Variants in PLEKHA6 observed in about 807,000 individuals in gnomAD.
PLEKHA6 encodes the protein pleckstrin homology domain containing A6.
Under a neutral mutation model 116.7 loss-of-function variants are expected in PLEKHA6, and 60 were observed. The observed-to-expected ratio is 0.51, with a 90% CI of 0.42 to 0.64. The LOEUF (loss-of-function observed/expected upper bound fraction) is 0.64. Ranked by LOEUF, PLEKHA6 falls within the 30% of genes least tolerant of loss-of-function variation. The pLI, the probability that PLEKHA6 is intolerant of heterozygous loss-of-function variation, is 0.00. For missense variants in PLEKHA6, 1,338 were observed against 1,422.7 expected (o/e 0.94, Z 0.96); for synonymous variants, 489 against 556.1 (o/e 0.88, Z 1.70).
At chr1:204,295,895 G>A (rs1274669410) in intron 1 of PLEKHA6, among the ~76,000 whole-genome samples, 1 of 152,316 alleles carries the variant, frequency 6.6e-6, no homozygotes, top group South Asian at 2.1e-4. Context: ...GCCAGAGCCA[G>A]AGCAGGGCAA....
chr1:204,332,911 A>G (rs1051026524), intron 1 of PLEKHA6, among the ~76,000 whole-genome samples: 3 of 152,348 alleles, frequency 2.0e-5, no homozygotes, highest in Admixed American at 1.3e-4. Context: ...GAGAGTGTGC[A>G]TAGAAGGAAA....
At chr1:204,344,164 C>A (rs1558192895) in intron 1 of PLEKHA6, among the ~76,000 whole-genome samples, 2 of 152,126 alleles carry the variant, frequency 1.3e-5, no homozygotes, top group South Asian at 2.1e-4. Context: ...GCAATTTGAG[C>A]CAAGGGAAGA....
At chr1:204,275,779 G>A in intron 1 of PLEKHA6, 9 of 903,756 alleles carry the variant, frequency 1.0e-5, no homozygotes, top group Non-Finnish European at 1.2e-5. Context: ...GAATGTAGCA[G>A]TGGAGATTCA....
chr1:204,327,024 T>C (rs1558183265), intron 1 of PLEKHA6: 1 of 985,248 alleles, frequency 1.0e-6, no homozygotes, highest in Non-Finnish European at 1.2e-6. Context: ...AAGCAGCTAC[T>C]TGGGTTTCAG....
In PLEKHA6 at chr1:204,228,181, G is replaced by A. The variant is rs1660637908; in HGVS notation, c.2933C>T (p.Pro978Leu). Residue 978 changes from proline (P) to leucine (L), a missense_variant, in exon 21 of 23, where the codon CCC (proline) becomes CTC (leucine). Pro to Leu is a moderately conservative substitution (Grantham distance 98). Transcript: ENST00000272203. The surrounding 1 kb of genome is among the most constrained non-coding windows in gnomAD (Gnocchi z 4.0). ...CTGCAGCTGGCTCTCTGAGTCCTGG[G>A]GCACGTCCACAGAGTCCCCCTCGCC... ...PIGEGDSVDV[P>L]QDSESQLQEQ... 1 of 1,612,928 alleles carries A rather than the reference G, an allele frequency of 6.2e-7. No homozygotes were observed. Among genetic ancestry groups the A allele is most frequent in the Non-Finnish European group, 8.5e-7 (1 of 1,179,266 alleles).
chr1:204,230,326 C>A lies in PLEKHA6; in HGVS notation c.2583+87G>T, dbSNP rs558743353. 47 of 1,148,072 alleles carry A rather than the reference C, an allele frequency of 4.1e-5. 2 individuals carry two copies. The South Asian group carries it at 7.2e-4, about 18-fold the overall frequency. The allele number at this position is 1,148,072 out of a possible 1,614,324, so 71.1% of individuals were successfully genotyped here. A position where few individuals can be genotyped will look rare whatever the true frequency, so the allele number is the denominator to read the frequency against. ...TTTCCCCTCTCCTTCCTCTCAAACC[C>A]CCCAGGCCCAAGCTGGCCATGCCCT... On this transcript the variant is annotated intron_variant, in intron 18 of 22. Transcript: ENST00000272203.
At chr1:204,321,076 G>A (rs1672045757) in intron 1 of PLEKHA6, among the ~76,000 whole-genome samples, 1 of 151,972 alleles carries the variant, frequency 6.6e-6, no homozygotes, top group Non-Finnish European at 1.5e-5. Context: ...TGTTGTTTCG[G>A]GTCAGAATAT....
intron 17 of PLEKHA6, 62 bp from the exon 18 acceptor site, chr1:204,230,648 C>T: frequency 7.1e-7 from 1 of 1,405,672 alleles, no homozygotes; most frequent in South Asian, 1.4e-5. Context: ...CTTTTCCATC[C>T]TGAACCCTTA....
intron 1 of PLEKHA6, among the ~76,000 whole-genome samples, chr1:204,351,237 A>G (rs1673272405): frequency 6.6e-6 from 1 of 152,094 alleles, no homozygotes; most frequent in Admixed American, 6.5e-5. Flanking sequence ...TGAGATAACT[A>G]AGTTCCTGCT....
At chr1:204,264,648 A>G (rs6675149) in intron 6 of PLEKHA6, among the ~76,000 whole-genome samples, 51,781 of 152,034 alleles carry the variant, frequency 0.34, 9,328 homozygotes, top group East Asian at 0.51. Flanking sequence ...TGCCCCAGTA[A>G]CAATTGTGGT....
chr1:204,315,978 C>T (rs965883146), intron 1 of PLEKHA6, among the ~76,000 whole-genome samples: 3 of 152,160 alleles, frequency 2.0e-5, no homozygotes, highest in Non-Finnish European at 2.9e-5. Flanking sequence ...TGTGTGTTTA[C>T]TATGGACACT....
At chr1:204,290,782 G>C (rs1669667974) in intron 1 of PLEKHA6, among the ~76,000 whole-genome samples, 1 of 152,082 alleles carries the variant, frequency 6.6e-6, no homozygotes, top group Non-Finnish European at 1.5e-5. Flanking sequence ...TTGAGGTCAG[G>C]AGTTCGAGAC....
chr1:204,347,388 T>C (rs551732766), intron 1 of PLEKHA6: 10 of 571,330 alleles, frequency 1.8e-5, no homozygotes, highest in Admixed American at 1.4e-4. Context: ...TCTTGTTCCC[T>C]AAACACTGCT....
chr1:204,342,434 T>G (rs1157454313), intron 1 of PLEKHA6, among the ~76,000 whole-genome samples: 1 of 152,226 alleles, frequency 6.6e-6, no homozygotes, highest in East Asian at 1.9e-4. Context: ...TCAGTAGGAC[T>G]AATATCAAGG....
chr1:204,327,019 G>C, intron 1 of PLEKHA6: 2 of 985,248 alleles, frequency 2.0e-6, no homozygotes, highest in Non-Finnish European at 2.4e-6. Context: ...GGACAAAGCA[G>C]CTACTTGGGT....
At chr1:204,372,605 T>C (rs541919045) in intron 1 of PLEKHA6, among the ~76,000 whole-genome samples, 3 of 152,314 alleles carry the variant, frequency 2.0e-5, no homozygotes, top group African/African-American at 7.2e-5. Flanking sequence ...TAAACTTTTA[T>C]TAAAATGAGA....
intron 1 of PLEKHA6, among the ~76,000 whole-genome samples, chr1:204,315,859 G>T (rs1237590507): frequency 6.6e-6 from 1 of 152,204 alleles, no homozygotes; most frequent in East Asian, 1.9e-4. Context: ...GAGAGGAGGA[G>T]GCTGGGCGTT....
chr1:204,328,676 G>A (rs531196995), intron 1 of PLEKHA6, among the ~76,000 whole-genome samples: 1 of 152,300 alleles, frequency 6.6e-6, no homozygotes, highest in East Asian at 1.9e-4. Flanking sequence ...TTGAGCCACT[G>A]TGCCCGGCCT....
chr1:204,310,434 G>A (rs543705435), intron 1 of PLEKHA6, among the ~76,000 whole-genome samples: 2 of 152,266 alleles, frequency 1.3e-5, no homozygotes, highest in South Asian at 4.1e-4. Context: ...ACAGCAGTCA[G>A]ATCTGAAATC....
Sources: allele counts gnomAD v4.1 joint callset (sites outside exome capture counted in the v4.1 genomes callset), GRCh38; gene constraint gnomAD v4.1.1; non-coding constraint Gnocchi (gnomAD v3.1); transcripts MANE v1.5; gene names NCBI Gene and HGNC (gene_info 2026-07-23, HGNC 2026-07-21).